ZFP69B: variants seen among roughly 807,000 people sequenced by gnomAD.
ZFP69B encodes ZFP69 zinc finger protein B, also known as zinc finger protein 69 homolog B.
In ZFP69B, 20 loss-of-function variants were observed where a neutral mutation model predicts 19.7. That is an observed-to-expected ratio of 1.02 (90% confidence interval 0.71 to 1.48). The LOEUF (loss-of-function observed/expected upper bound fraction) is 1.48. Ranked by LOEUF, ZFP69B falls within the 40% of genes most tolerant of loss-of-function variation. The probability of loss-of-function intolerance (pLI) is 0.00; values close to 1 mark genes in which losing one functional copy is unlikely to be tolerated. For missense variants in ZFP69B, 583 were observed against 632.6 expected (o/e 0.92, Z 0.84); for synonymous variants, 220 against 222.7 (o/e 0.99, Z 0.11).
intron 4 of ZFP69B, among the ~76,000 whole-genome samples, chr1:40,459,228 T>G (rs775635293): frequency 1.3e-5 from 2 of 152,252 alleles, no homozygotes; most frequent in African/African-American, 4.8e-5. Context: ...CTCCCACAGA[T>G]GTTTTGTGAT....
In ZFP69B at chr1:40,463,540, T is replaced by C; in HGVS notation, c.1556T>C (p.Ile519Thr). 6 of 1,613,818 alleles carry C rather than the reference T, an allele frequency of 3.7e-6. No individual in the cohort carries two copies. Among genetic ancestry groups the C allele is most frequent in the Non-Finnish European group, 5.1e-6 (6 of 1,179,868 alleles). The change falls in exon 5 of 5, where the codon ATT (isoleucine) becomes ACT (threonine). Residue 519 changes from isoleucine to threonine, a missense_variant. By Grantham distance (89) the Ile-to-Thr change is moderately conservative. Transcript: ENST00000361584. ...GCCTTCAGCTGTAGTTCATCCCTTA[T>C]TAGACACTGCAAAACACATTTAAGA... ...GKAFSCSSSL[I>T]RHCKTHLRNT...
chr1:40,453,121 C>G (rs1293994319), intron 1 of ZFP69B, among the ~76,000 whole-genome samples: 1 of 151,916 alleles, frequency 6.6e-6, no homozygotes, highest in Non-Finnish European at 1.5e-5. Flanking sequence ...CCACCACGCC[C>G]AGCTAATTTT....
chr1:40,452,648 A>G (rs1280307108), intron 1 of ZFP69B, among the ~76,000 whole-genome samples: 1 of 152,236 alleles, frequency 6.6e-6, no homozygotes, highest in African/African-American at 2.4e-5. Context: ...GAAAAAATCC[A>G]GAATAAAAGT....
chr1:40,453,780 G>A (rs929227518), intron 1 of ZFP69B, among the ~76,000 whole-genome samples: 4 of 152,182 alleles, frequency 2.6e-5, no homozygotes, highest in East Asian at 1.9e-4. Context: ...GCTGAGGCAC[G>A]AGAATCTCTT....
chr1:40,455,924 A>G (rs1331085400), intron 2 of ZFP69B, among the ~76,000 whole-genome samples: 2 of 152,172 alleles, frequency 1.3e-5, no homozygotes, highest in African/African-American at 4.8e-5. Flanking sequence ...TGTCCCTGCA[A>G]AGGACATGAA....
At chr1:40,457,929 A>C (rs12741975) in intron 4 of ZFP69B, among the ~76,000 whole-genome samples, 14,857 of 152,246 alleles carry the variant, frequency 0.098, 908 homozygotes, top group Non-Finnish European at 0.14. Flanking sequence ...TTAACTTTTC[A>C]TGCCAGAAAA....
chr1:40,454,927 C>T (rs1047049056), intron 2 of ZFP69B, among the ~76,000 whole-genome samples: 1 of 152,190 alleles, frequency 6.6e-6, no homozygotes, highest in Non-Finnish European at 1.5e-5. Flanking sequence ...ATGAAATTCA[C>T]ATATCATCTG....
In ZFP69B at chr1:40,463,595, A is replaced by G. The variant is rs779289331; in HGVS notation, c.*6A>G. 1.9e-6 allele frequency: 3 copies of G among 1,575,920 alleles called. No homozygotes were observed. Among genetic ancestry groups the G allele is most frequent in the Non-Finnish European group, 2.6e-6 (3 of 1,160,262 alleles). ...CCTTCAGCAATGTTGTGTGAAATATACTAAACATCAAAGAATCTATGTTGG... is the reference window on the plus strand; with the variant it reads ...CCTTCAGCAATGTTGTGTGAAATATGCTAAACATCAAAGAATCTATGTTGG... On this transcript the variant is annotated 3_prime_UTR_variant, in exon 5 of 5. Transcript: ENST00000361584.
At chr1:40,462,384 A>C (rs1330384944) in intron 4 of ZFP69B, 37 bp from the exon 5 acceptor site, 1 of 1,533,494 alleles carries the variant, frequency 6.5e-7, no homozygotes, top group African/African-American at 1.4e-5. Context: ...TTTAAAGTGC[A>C]AGGAATATGG....
In ZFP69B at chr1:40,458,251, A is replaced by T. The variant is rs139871151; in HGVS notation, c.436+812A>T. Among the ~76,000 whole-genome samples, 503 of 152,362 alleles carry T rather than the reference A, an allele frequency of 3.3e-3. 4 individuals are homozygous for T. Among genetic ancestry groups the T allele is most frequent in the African/African-American group, 0.012 (486 of 41,584 alleles). On this transcript the variant is annotated intron_variant, in intron 4 of 4. Coordinates refer to ENST00000361584, the MANE Select transcript of ZFP69B (RefSeq NM_023070.3). ...ATTTTACACGACTGCATTAGATTAC[A>T]CATGTAGACCTCGCCACCTTAATAT... is the stretch of plus-strand genomic sequence containing the variant.
chr1:40,460,159 C>G (rs1645268349), intron 4 of ZFP69B, among the ~76,000 whole-genome samples: 1 of 152,128 alleles, frequency 6.6e-6, no homozygotes, highest in South Asian at 2.1e-4. Flanking sequence ...ACATCCACAA[C>G]CCATCAATTT....
chr1:40,461,166 TATAGAC>T (rs1645281210), intron 4 of ZFP69B, among the ~76,000 whole-genome samples: 1 of 147,472 alleles, frequency 6.8e-6, no homozygotes, highest in East Asian at 2.0e-4. Context: ...AAAAAAAAGA[TATAGAC>T]TTAAAACAGA....
At chr1:40,456,340 C>T (rs1392864496) in intron 2 of ZFP69B, among the ~76,000 whole-genome samples, 1 of 152,130 alleles carries the variant, frequency 6.6e-6, no homozygotes, top group Non-Finnish European at 1.5e-5. Flanking sequence ...TTTTGATTTG[C>T]ATTTCTCTAA....
At chr1:40,453,024 G>A (rs1054222022) in intron 1 of ZFP69B, among the ~76,000 whole-genome samples, 7 of 141,500 alleles carry the variant, frequency 4.9e-5, no homozygotes, top group East Asian at 4.2e-4. Flanking sequence ...TCAATGGCTC[G>A]ATCTTGGCTT....
intron 1 of ZFP69B, among the ~76,000 whole-genome samples, chr1:40,451,652 G>T (rs906854065): frequency 1.7e-4 from 21 of 120,638 alleles, no homozygotes; most frequent in Admixed American, 1.4e-3. Context: ...AGAGAAAGAC[G>T]TGGGGGGGGG....
intron 1 of ZFP69B, among the ~76,000 whole-genome samples, chr1:40,451,541 A>G (rs1645186258): frequency 6.6e-6 from 1 of 151,790 alleles, no homozygotes; most frequent in South Asian, 2.1e-4. Flanking sequence ...GCCAGGTTTA[A>G]GGGTCTCTCA....
intron 1 of ZFP69B, among the ~76,000 whole-genome samples, chr1:40,451,473 G>A (rs927153546): frequency 6.6e-6 from 1 of 152,150 alleles, no homozygotes; most frequent in South Asian, 2.1e-4. Context: ...TGAGCCTGGA[G>A]TAACTTGTGC....
chr1:40,450,898 T>A lies in ZFP69B; in HGVS notation c.-64T>A. 7.0e-7 allele frequency: 1 copy of A among 1,425,144 alleles called. No individual in the cohort carries two copies. The highest frequency in any genetic ancestry group is 1.5e-5 in the African/African-American group (1 of 68,194). 88.3% of individuals were successfully genotyped at this position (1,425,144 alleles called of 1,614,324 possible). A position where few individuals can be genotyped will look rare whatever the true frequency, so the allele number is the denominator to read the frequency against. On this transcript the variant is annotated 5_prime_UTR_variant, in exon 1 of 5. Transcript: ENST00000361584. ...GTCAGAGCTTCCAGCAATTTCCTCATCAGAGGTGGACAAGCCCTATGGGCT... is the reference window on the plus strand; with the variant it reads ...GTCAGAGCTTCCAGCAATTTCCTCAACAGAGGTGGACAAGCCCTATGGGCT...
chr1:40,457,347 G>A lies in ZFP69B; in HGVS notation c.344G>A (p.Cys115Tyr), dbSNP rs2272994. The part of the protein sequence containing the change: ...ENYGNLVSVG[C>Y]QLSKPGVISQ... ...GTCTTTTCTTCCCCATAAGCAGGAT[G>A]TCAGCTTTCCAAACCTGGCGTGATT... The change falls in exon 4 of 5, where the codon TGT becomes TAT. Residue 115 changes from cysteine to tyrosine, a missense_variant. Coordinates refer to ENST00000361584, the MANE Select transcript of ZFP69B (RefSeq NM_023070.3). The A allele has an allele frequency of 0.23, 370,815 of 1,612,230 alleles. 45,741 individuals carry two copies. The highest frequency in any genetic ancestry group is 0.34 in the Admixed American group (20,583 of 59,978).
Sources: gnomAD v4.1 joint callset for allele counts (sites outside exome capture counted in the v4.1 genomes callset) on GRCh38, gnomAD v4.1.1 for gene constraint, MANE v1.5 for transcripts, NCBI Gene and HGNC (gene_info 2026-07-23, HGNC 2026-07-21) for gene names.